HERC3: variants seen among roughly 807,000 people sequenced by gnomAD.
HERC3 encodes the protein HECT and RLD domain containing E3 ubiquitin protein ligase 3.
A neutral mutation model predicts 129.9 loss-of-function variants in HERC3; 58 were observed. The ratio of observed to expected loss-of-function variants is 0.45; its 90% CI spans 0.36 to 0.56. The LOEUF (loss-of-function observed/expected upper bound fraction) is 0.56, where lower values mean the gene tolerates loss of function less well. HERC3 is among the 20% of genes least tolerant of loss of function. The probability of loss-of-function intolerance (pLI) is 0.00; values close to 1 mark genes in which losing one functional copy is unlikely to be tolerated. For missense variants in HERC3, 835 were observed against 1,244.2 expected, an observed-to-expected ratio of 0.67 and a Z score of 4.95; for synonymous variants, 430 against 451.0, an observed-to-expected ratio of 0.95 and a Z score of 0.59.
At chr4:88,579,492 G>A in the HERC3 span, among the ~76,000 whole-genome samples, 1 of 152,094 alleles carries the variant, frequency 6.6e-6, no homozygotes, top group Non-Finnish European at 1.5e-5. Context: ...GAATGGGTAT[G>A]GGGAATAGGA....
chr4:88,563,278 T>G, the HERC3 span, among the ~76,000 whole-genome samples: 1 of 152,082 alleles, frequency 6.6e-6, no homozygotes, highest in East Asian at 1.9e-4. Flanking sequence ...GGTTGCTTTG[T>G]TGATTTCTTT....
chr4:88,620,506 A>G (rs779633396), intron 3 of HERC3, among the ~76,000 whole-genome samples: 25 of 152,118 alleles, frequency 1.6e-4, no homozygotes, highest in Non-Finnish European at 1.2e-4. Context: ...GAAAACCCCC[A>G]TCTACATAGG....
At chr4:88,588,294 G>C (rs1239987196), upstream of HERC3, among the ~76,000 whole-genome samples, 2 of 152,172 alleles carry the variant, frequency 1.3e-5, no homozygotes, top group Non-Finnish European at 2.9e-5. Flanking sequence ...AAGATTATTT[G>C]ATGGTAATAC....
the HERC3 span, among the ~76,000 whole-genome samples, chr4:88,543,474 A>G: frequency 6.6e-6 from 1 of 152,230 alleles, no homozygotes; most frequent in African/African-American, 2.4e-5. Flanking sequence ...GCTCATGGAC[A>G]GGAAGAATCA....
At chr4:88,622,474 G>A in intron 3 of HERC3, among the ~76,000 whole-genome samples, 1 of 128,584 alleles carries the variant, frequency 7.8e-6, no homozygotes, top group East Asian at 2.0e-4. Flanking sequence ...GTGGACACAT[G>A]TTTTCATTTC....
chr4:88,523,905 G>C, the HERC3 span: 2 of 548,366 alleles, frequency 3.6e-6, no homozygotes, highest in Non-Finnish European at 6.2e-6. Context: ...CTATAGTCCG[G>C]AGGACAGCCC....
intron 3 of HERC3, among the ~76,000 whole-genome samples, chr4:88,622,886 G>A (rs976439286): frequency 1.6e-4 from 25 of 152,200 alleles, no homozygotes; most frequent in African/African-American, 3.4e-4. Context: ...CTGAAATTGC[G>A]TCACTGCACT....
the HERC3 span, among the ~76,000 whole-genome samples, chr4:88,555,501 G>A: frequency 3.3e-5 from 5 of 152,022 alleles, no homozygotes; most frequent in African/African-American, 1.2e-4. Flanking sequence ...AGTGGCTCTT[G>A]GGTATGCTAC....
the HERC3 span, among the ~76,000 whole-genome samples, chr4:88,585,813 A>G: frequency 6.6e-6 from 1 of 150,906 alleles, no homozygotes; most frequent in Non-Finnish European, 1.5e-5. Flanking sequence ...ATGTGTACAC[A>G]TTGCTTTTTA....
At position 88,634,571 on chromosome 4, in the gene HERC3, C is replaced by T. The variant is rs559645196; in HGVS notation, c.227-15269C>T. 5.3e-5 allele frequency among the ~76,000 whole-genome samples: 8 copies of T among 152,288 alleles called. No individual in the cohort carries two copies. In the East Asian group the frequency reaches 5.8e-4, roughly 11 times the overall value. On this transcript the variant is annotated intron_variant, in intron 3 of 25. Transcript: ENST00000402738. ...TAGTCTTTCCTCCTGCGAGCACTGA[C>T]GAATCTGGGCAGCCCAGATGAGTGA... is the stretch of plus-strand genomic sequence containing the variant.
the HERC3 span, among the ~76,000 whole-genome samples, chr4:88,581,311 T>G: frequency 6.6e-6 from 1 of 151,616 alleles, no homozygotes; most frequent in Admixed American, 6.6e-5. Context: ...ATTATTATTT[T>G]TTTTTTGAGA....
the HERC3 span, among the ~76,000 whole-genome samples, chr4:88,536,344 A>G: frequency 6.6e-6 from 1 of 152,150 alleles, no homozygotes; most frequent in African/African-American, 2.4e-5. Flanking sequence ...TTAAGACCCA[A>G]TTCAAACACA....
intron 3 of HERC3, 72 bp downstream of exon 3, chr4:88,606,121 G>T (rs757776570): frequency 2.5e-6 from 3 of 1,216,218 alleles, no homozygotes; most frequent in Non-Finnish European, 3.5e-6. Context: ...AGAGGGCCCA[G>T]ATGGAGCTTT....
rs1423426534 is a variant in HERC3 at position 88,668,089 on chromosome 4, T to C, written c.1633+8T>C. On this transcript the variant is annotated splice_region_variant and intron_variant, in intron 14 of 25. Transcript: ENST00000402738. ...ACCCCAGCAAAGTACTAGGTGAATTTGCTAACCTCGATATCAGTGGTTTTA... is the reference window on the plus strand; with the variant it reads ...ACCCCAGCAAAGTACTAGGTGAATTCGCTAACCTCGATATCAGTGGTTTTA... 2.5e-6 allele frequency: 4 copies of C among 1,609,606 alleles called. No individual in the cohort carries two copies. The highest frequency in any genetic ancestry group is 3.4e-6 in the Non-Finnish European group (4 of 1,176,958).
intron 2 of HERC3, among the ~76,000 whole-genome samples, chr4:88,595,999 A>G (rs1235038397): frequency 6.6e-6 from 1 of 151,574 alleles, no homozygotes; most frequent in Non-Finnish European, 1.5e-5. Flanking sequence ...ACAGGTGCCC[A>G]CCACCTCGCC....
At position 88,655,291 on chromosome 4, in the gene HERC3, A is replaced by G. The variant is rs750597392; in HGVS notation, c.895A>G (p.Ile299Val). Residue 299 changes from isoleucine (I) to valine (V), a missense_variant, in exon 8 of 26, where the codon ATT becomes GTT. Ile to Val is a conservative substitution (Grantham distance 29, BLOSUM62 3). Coordinates refer to ENST00000402738, the MANE Select transcript of HERC3 (RefSeq NM_014606.3). ...LELMGSEVTQ[I>V]ACGRQHTLAF... The stretch of plus-strand genomic sequence containing the variant: ...GCTGATGGGTAGTGAAGTAACTCAA[A>G]TTGCTTGTGGCAGGTGAGTGTTCCT... The G allele has an allele frequency of 6.8e-6, 11 of 1,613,718 alleles. No individual in the cohort carries two copies. The highest frequency in any genetic ancestry group is 9.3e-6 in the Non-Finnish European group (11 of 1,179,726).
chr4:88,680,342 G>A (rs369532487), intron 20 of HERC3, 106 bp downstream of exon 20: 3 of 756,956 alleles, frequency 4.0e-6, no homozygotes, highest in Non-Finnish European at 6.0e-6. Context: ...ACATAACAAG[G>A]ATAATAATTC....
At chr4:88,558,433 A>G in the HERC3 span, among the ~76,000 whole-genome samples, 1 of 152,198 alleles carries the variant, frequency 6.6e-6, no homozygotes. Context: ...TCTCACTTAT[A>G]AGTGGGAGCT....
Position 88,707,919 on chromosome 4 carries a change from C to T in HERC3, c.*959C>T, listed in dbSNP as rs1175466473. 1 of 152,530 alleles carries T rather than the reference C, an allele frequency of 6.6e-6. No individual in the cohort carries two copies. The highest frequency in any genetic ancestry group is 1.9e-4 in the East Asian group (1 of 5,192). 9.4% of individuals were successfully genotyped at this position (152,530 alleles called of 1,614,324 possible). A position where few individuals can be genotyped will look rare whatever the true frequency, so the allele number is the denominator to read the frequency against. On this transcript the variant is annotated 3_prime_UTR_variant, in exon 26 of 26. Coordinates refer to ENST00000402738, the MANE Select transcript of HERC3 (RefSeq NM_014606.3). The stretch of plus-strand genomic sequence containing the variant: ...TTTTCTCCTTTTCGTACCCTGTGTC[C>T]TCCCTGATTTTCCTTTCGTTTCTTC...
Sources: allele counts gnomAD v4.1 joint callset (sites outside exome capture counted in the v4.1 genomes callset), GRCh38; gene constraint gnomAD v4.1.1; transcripts MANE v1.5; gene names NCBI Gene and HGNC (gene_info 2026-07-23, HGNC 2026-07-21).